APBB2: variants seen among roughly 807,000 people sequenced by gnomAD.
APBB2 encodes amyloid beta precursor protein binding family B member 2.
A neutral mutation model predicts 82.5 loss-of-function variants in APBB2; 38 were observed. That is an observed-to-expected ratio of 0.46 (90% CI 0.36 to 0.60). The LOEUF (loss-of-function observed/expected upper bound fraction) is 0.60. APBB2 is among the 20% of genes least tolerant of loss of function. The probability of loss-of-function intolerance (pLI) is 0.00; values close to 1 mark genes in which losing one functional copy is unlikely to be tolerated. For missense variants in APBB2, 772 were observed against 972.3 expected (o/e 0.79, Z 2.74); for synonymous variants, 341 against 368.2 (o/e 0.93, Z 0.85).
intron 1 of APBB2, among the ~76,000 whole-genome samples, chr4:41,206,620 C>T (rs1006511223): frequency 5.3e-5 from 8 of 152,196 alleles, no homozygotes; most frequent in African/African-American, 1.9e-4. Flanking sequence ...GGTGTCTCTA[C>T]ACCCAAATCA....
At chr4:41,041,994 T>C (rs181232148) in intron 4 of APBB2, among the ~76,000 whole-genome samples, 2 of 151,720 alleles carry the variant, frequency 1.3e-5, no homozygotes, top group Non-Finnish European at 2.9e-5. Context: ...TCCAACTTTC[T>C]TTTTTTTTAT....
chr4:41,011,955 T>C (rs1808482820), intron 6 of APBB2, among the ~76,000 whole-genome samples: 1 of 152,128 alleles, frequency 6.6e-6, no homozygotes, highest in Admixed American at 6.6e-5. Context: ...CTCGAACTCC[T>C]GGTGTCAAGT....
At chr4:41,179,135 A>G (rs1770636610) in intron 1 of APBB2, among the ~76,000 whole-genome samples, 1 of 152,226 alleles carries the variant, frequency 6.6e-6, no homozygotes, top group Admixed American at 6.5e-5. Context: ...TGTTCTTTCA[A>G]TACAATGACG....
chr4:41,210,192 G>A (rs114096694), intron 1 of APBB2, among the ~76,000 whole-genome samples: 231 of 152,284 alleles, frequency 1.5e-3, no homozygotes, highest in African/African-American at 5.3e-3. Flanking sequence ...GTTCAGGTCC[G>A]AAGCAGGGGG....
chr4:40,865,240 G>A (rs1237582356), intron 12 of APBB2, among the ~76,000 whole-genome samples: 1 of 152,130 alleles, frequency 6.6e-6, no homozygotes, highest in Non-Finnish European at 1.5e-5. Context: ...GCAAGGACAG[G>A]GGTACTGCAT....
rs1355861166 is a variant in APBB2 at position 41,014,415 on chromosome 4, T to A, written c.20-17A>T. The A allele has an allele frequency of 3.1e-6, 5 of 1,603,998 alleles. No individual in the cohort carries two copies. The highest frequency in any genetic ancestry group is 4.3e-6 in the Non-Finnish European group (5 of 1,172,706). On this transcript the variant is annotated splice_polypyrimidine_tract_variant and intron_variant, in intron 5 of 17. Transcript: ENST00000508593. ...CTGAGTCAGCTGGGGAAAAAAAAAG[T>A]CATTAGACACCTGCCATGATTAAAC...
chr4:41,174,232 T>C (rs1365880486), intron 1 of APBB2, among the ~76,000 whole-genome samples: 1 of 152,208 alleles, frequency 6.6e-6, no homozygotes, highest in African/African-American at 2.4e-5. Flanking sequence ...AGCAGACTTC[T>C]ATTGGCCTCA....
rs150401595 is a variant in APBB2, at chr4:41,209,643, G to C, written c.-417+4762C>G. Reference sequence around the variant, plus strand: ...TAGAGGTTTCTTTCTCAGACTATCTGTGTGCTCAAGAGCAGAAAGTCTCCC... The same window carrying C: ...TAGAGGTTTCTTTCTCAGACTATCTCTGTGCTCAAGAGCAGAAAGTCTCCC... On this transcript the variant is annotated intron_variant, in intron 1 of 17. Transcript: ENST00000508593. Among the ~76,000 whole-genome samples the C allele has an allele frequency of 3.9e-5, 6 of 152,344 alleles. No homozygotes were observed. In the East Asian group the frequency reaches 9.6e-4, roughly 24 times the overall value.
intron 12 of APBB2, among the ~76,000 whole-genome samples, chr4:40,840,113 C>T (rs1755329150): frequency 6.6e-6 from 1 of 152,202 alleles, no homozygotes; most frequent in African/African-American, 2.4e-5. Flanking sequence ...AAGGATAAGA[C>T]AGCAGCAAAC....
At chr4:40,929,040 TAC>T (rs2154372372) in intron 10 of APBB2, among the ~76,000 whole-genome samples, 1 of 151,318 alleles carries the variant, frequency 6.6e-6, no homozygotes, top group African/African-American at 2.4e-5. Flanking sequence ...AAAATCAGAA[TAC>T]AGTGTTTATT....
rs1400082957 is a variant in APBB2, at chr4:40,844,375, C to T, written c.1530-13798G>A. Among the ~76,000 whole-genome samples, 5 of 152,274 alleles carry T rather than the reference C, an allele frequency of 3.3e-5. No individual in the cohort carries two copies. The South Asian group carries it at 1.0e-3, about 32-fold the overall frequency. On this transcript the variant is annotated intron_variant, in intron 12 of 17. Transcript: ENST00000508593. ...ATTATAAGCATGAAGTTAAATGGGA[C>T]GACACGTGTATGGGAGTGCTGGGCA...
intron 1 of APBB2, among the ~76,000 whole-genome samples, chr4:41,160,433 C>G (rs1764868475): frequency 6.6e-6 from 1 of 152,174 alleles, no homozygotes; most frequent in African/African-American, 2.4e-5. Flanking sequence ...AGAATGCACT[C>G]TAGTTAGCAA....
rs766666523 is a variant in APBB2, at chr4:40,982,221, G to GAAAAGAAAA, written c.835+31361_835+31362insTTTTCTTTT. On this transcript the variant is annotated intron_variant, in intron 6 of 17. Transcript: ENST00000508593. ...AAAGAAAGAAAAGAAAGAAAAGAAA[G>GAAAAGAAAA]GAAAGAAAGAAAGAAAGAAAGAAAG... Among the ~76,000 whole-genome samples, 2 of 12,884 alleles carry GAAAAGAAAA rather than the reference G, an allele frequency of 1.6e-4. 1 individual carries two copies. The highest frequency in any genetic ancestry group is 2.8e-4 in the Non-Finnish European group (2 of 7,102). The allele number at this position is 12,884 out of a possible 152,430, so 8.5% of individuals were successfully genotyped here. A position where few individuals can be genotyped will look rare whatever the true frequency, so the allele number is the denominator to read the frequency against.
At position 40,838,422 on chromosome 4, in the gene APBB2, G is replaced by A. The variant is rs192935012; in HGVS notation, c.1530-7845C>T. Among the ~76,000 whole-genome samples the A allele has an allele frequency of 1.6e-3, 222 of 135,636 alleles. 1 individual carries two copies. The highest frequency in any genetic ancestry group is 6.0e-3 in the African/African-American group (212 of 35,172). 89.0% of individuals were successfully genotyped at this position (135,636 alleles called of 152,430 possible). The stretch of plus-strand genomic sequence containing the variant: ...GTGATCTCGACTCACTGCAACCTCC[G>A]CCTCCCGGGTTCAAGCAATTCTCCT... On this transcript the variant is annotated intron_variant, in intron 12 of 17. Coordinates refer to ENST00000508593, the MANE Select transcript of APBB2 (RefSeq NM_004307.2).
At chr4:41,083,069 G>T (rs1203081852) in intron 3 of APBB2, among the ~76,000 whole-genome samples, 1 of 152,174 alleles carries the variant, frequency 6.6e-6, no homozygotes, top group African/African-American at 2.4e-5. Context: ...GGAAGCTGAG[G>T]CAGGAAAATG....
chr4:41,050,847 C>G (rs1279573141), intron 4 of APBB2, among the ~76,000 whole-genome samples: 1 of 152,206 alleles, frequency 6.6e-6, no homozygotes. Flanking sequence ...TATCCTGGAA[C>G]AACCTGCTGT....
intron 12 of APBB2, among the ~76,000 whole-genome samples, chr4:40,851,739 T>TATATATATA (rs57639176): frequency 3.4e-4 from 12 of 34,806 alleles, no homozygotes; most frequent in African/African-American, 5.1e-4. Flanking sequence ...TATATATATA[T>TATATATATA]TTTTTTTTTT....
rs142757819 is a variant in APBB2, at chr4:41,148,565, C to T, written c.-416-5423G>A. On this transcript the variant is annotated intron_variant, in intron 1 of 17. Coordinates refer to ENST00000508593, the MANE Select transcript of APBB2 (RefSeq NM_004307.2). ...CAATACAACCATGAACACTAAGACA[C>T]AGCTCTTTCTGCACGGACTGACTCT... Among the ~76,000 whole-genome samples, 228 of 152,350 alleles carry T rather than the reference C, an allele frequency of 1.5e-3. 1 individual carries two copies. The highest frequency in any genetic ancestry group is 5.3e-3 in the African/African-American group (220 of 41,578).
chr4:40,875,421 T>G (rs913190080), intron 12 of APBB2, among the ~76,000 whole-genome samples: 1 of 152,224 alleles, frequency 6.6e-6, no homozygotes, highest in Non-Finnish European at 1.5e-5. Context: ...CAAGCCACAT[T>G]AAGTAATTTA....
Sources: gnomAD v4.1 joint callset for allele counts (sites outside exome capture counted in the v4.1 genomes callset) on GRCh38, gnomAD v4.1.1 for gene constraint, MANE v1.5 for transcripts, NCBI Gene and HGNC (gene_info 2026-07-23, HGNC 2026-07-21) for gene names.